The following KIRREL3 variants were observed in gnomAD, a reference collection of about 807,000 sequenced individuals.
KIRREL3 encodes the protein kirre like nephrin family adhesion molecule 3.
KIRREL3 carries 36 observed loss-of-function variants against 89.7 expected under a neutral mutation model. The ratio of observed to expected loss-of-function variants is 0.40; its 90% CI spans 0.31 to 0.53. The LOEUF is 0.53. Among genes scored for constraint, KIRREL3 ranks in the 20% least tolerant of loss-of-function variants. KIRREL3 has a pLI of 0.49. For missense variants in KIRREL3, 864 were observed against 1,056.6 expected, an observed-to-expected ratio of 0.82 and a Z score of 2.53; for synonymous variants, 445 against 441.4, an observed-to-expected ratio of 1.01 and a Z score of -0.10.
rs2134292991 is a variant in KIRREL3 at position 126,769,347 on chromosome 11, A to T, written c.56-206435T>A. ...GCTCTGTGGAAGCAAATCTTGAAGGATGGATAGAATTTTGGTGATAAAGAG... is the reference window on the plus strand; with the variant it reads ...GCTCTGTGGAAGCAAATCTTGAAGGTTGGATAGAATTTTGGTGATAAAGAG... On this transcript the variant is annotated intron_variant, in intron 1 of 16. Coordinates refer to ENST00000525144, the MANE Select transcript of KIRREL3 (RefSeq NM_032531.4). The surrounding 1 kb of genome is among the most constrained non-coding windows in gnomAD (Gnocchi z 4.3). Among the ~76,000 whole-genome samples, 1 of 152,262 alleles carries T rather than the reference A, an allele frequency of 6.6e-6. No individual in the cohort carries two copies. The highest frequency in any genetic ancestry group is 3.4e-3 in the Middle Eastern group (1 of 292).
intron 1 of KIRREL3, among the ~76,000 whole-genome samples, chr11:126,722,094 G>A (rs951316192): frequency 2.0e-5 from 3 of 152,198 alleles, no homozygotes; most frequent in Non-Finnish European, 4.4e-5. Flanking sequence ...TAACTCTACT[G>A]TATATACCTC....
chr11:126,431,119 CCTAT>C lies in KIRREL3; in HGVS notation c.1696+296_1696+299del. On this transcript the variant is annotated intron_variant, in intron 14 of 16. Coordinates refer to ENST00000525144, the MANE Select transcript of KIRREL3 (RefSeq NM_032531.4). This position sits in a 1 kb window ranked among gnomAD's most constrained non-coding sequence, Gnocchi z 7.1. ...GATCAAACCACAAACCGCTTTTCCC[CCTAT>C]CTTTCTGTACAGTTCCTGACTGAAA... The C allele has an allele frequency of 1.4e-6, 2 of 1,411,760 alleles. No individual in the cohort carries two copies. The highest frequency in any genetic ancestry group is 1.8e-6 in the Non-Finnish European group (2 of 1,086,560). The allele number at this position is 1,411,760 out of a possible 1,614,324, so 87.5% of individuals were successfully genotyped here.
intron 1 of KIRREL3, among the ~76,000 whole-genome samples, chr11:126,804,615 G>A (rs1565746236): frequency 6.6e-6 from 1 of 152,186 alleles, no homozygotes; most frequent in Non-Finnish European, 1.5e-5. Flanking sequence ...GTAAGTATAT[G>A]AGTAAATATC....
Position 126,423,457 on chromosome 11 carries a change from C to A in KIRREL3, c.*1123G>T, listed in dbSNP as rs1470760320. ...CATTCTATGAGCTCTTGGGTTCTTC[C>A]TGTGGCTTTGTAGGAACAAAAGAAC... On this transcript the variant is annotated 3_prime_UTR_variant, in exon 17 of 17. Transcript: ENST00000525144. The A allele has an allele frequency of 6.6e-6, 1 of 152,190 alleles. No homozygotes were observed. Among genetic ancestry groups the A allele is most frequent in the South Asian group, 2.1e-4 (1 of 4,836 alleles). 9.4% of individuals were successfully genotyped at this position (152,190 alleles called of 1,614,324 possible). A position where few individuals can be genotyped will look rare whatever the true frequency, so the allele number is the denominator to read the frequency against.
intron 1 of KIRREL3, among the ~76,000 whole-genome samples, chr11:126,941,958 A>C (rs896282593): frequency 1.1e-4 from 17 of 152,238 alleles, no homozygotes; most frequent in Admixed American, 8.5e-4. Context: ...CAATGTGACA[A>C]TGAGTATGCC....
At chr11:126,670,336 G>C (rs952893143) in intron 1 of KIRREL3, among the ~76,000 whole-genome samples, 1 of 152,158 alleles carries the variant, frequency 6.6e-6, no homozygotes, top group Non-Finnish European at 1.5e-5. Context: ...GAAAAACCTA[G>C]AGTTAACATC....
intron 6 of KIRREL3, among the ~76,000 whole-genome samples, chr11:126,460,710 C>T (rs931206328): frequency 2.6e-5 from 4 of 152,192 alleles, no homozygotes; most frequent in African/African-American, 7.2e-5. Context: ...GTTGAACGAT[C>T]TTCTGTGGGC....
rs543833684 is a variant in KIRREL3, at chr11:126,729,695, C to T, written c.56-166783G>A. Among the ~76,000 whole-genome samples, 35 of 151,076 alleles carry T rather than the reference C, an allele frequency of 2.3e-4. No individual in the cohort carries two copies. Among genetic ancestry groups the T allele is most frequent in the African/African-American group, 6.8e-4 (28 of 41,094 alleles). On this transcript the variant is annotated intron_variant, in intron 1 of 16. Transcript: ENST00000525144. This position sits in a 1 kb window ranked among gnomAD's most constrained non-coding sequence, Gnocchi z 4.5. The stretch of plus-strand genomic sequence containing the variant: ...CCCTCCGTAGATACTCATGGGGCCC[C>T]GGGCACTCCACTGGACAGGTGAAAA...
chr11:126,424,290 A>G lies in KIRREL3; in HGVS notation c.*290T>C, dbSNP rs891953504. 14 of 479,862 alleles carry G rather than the reference A, an allele frequency of 2.9e-5. No homozygotes were observed. The highest frequency in any genetic ancestry group is 5.3e-5 in the Non-Finnish European group (14 of 264,248). The allele number at this position is 479,862 out of a possible 1,614,324, so 29.7% of individuals were successfully genotyped here. On this transcript the variant is annotated 3_prime_UTR_variant, in exon 17 of 17. Coordinates refer to ENST00000525144, the MANE Select transcript of KIRREL3 (RefSeq NM_032531.4). ...TGTGCCTGTGGGCAGAGCAGGTGGT[A>G]GAGGGGCCTCCAGGAAAGGGCCGGG...
intron 1 of KIRREL3, among the ~76,000 whole-genome samples, chr11:126,799,244 ATGTG>A (rs1174372290): frequency 1.7e-4 from 12 of 71,866 alleles, no homozygotes; most frequent in African/African-American, 4.2e-4. Context: ...CTGTGTGTGG[ATGTG>A]TGTATCTGTG....
rs374832017 is a variant in KIRREL3 at position 126,424,743 on chromosome 11, G to A, written c.2174C>T (p.Thr725Met). 39 of 1,613,918 alleles carry A rather than the reference G, an allele frequency of 2.4e-5. No individual in the cohort carries two copies. Among genetic ancestry groups the A allele is most frequent in the African/African-American group, 1.6e-4 (12 of 74,936 alleles). ...SLSDSSSFLD[T>M]QCDSSVSSSG... The stretch of plus-strand genomic sequence containing the variant: ...GCTGCTGACGCTGCTGTCACACTGC[G>A]TGTCCAGGAAGGAGCTGCTGTCGCT... Residue 725 changes from threonine (T) to methionine (M), a missense_variant, in exon 17 of 17, where the codon ACG becomes ATG. Transcript: ENST00000525144.
At chr11:126,964,374 C>A (rs149764264) in intron 1 of KIRREL3, among the ~76,000 whole-genome samples, 14 of 152,244 alleles carry the variant, frequency 9.2e-5, no homozygotes, top group African/African-American at 3.4e-4. Flanking sequence ...ACCCCCTTCT[C>A]CCCCATAGAT....
intron 1 of KIRREL3, among the ~76,000 whole-genome samples, chr11:126,893,876 T>C (rs1946028270): frequency 6.6e-6 from 1 of 152,230 alleles, no homozygotes; most frequent in Admixed American, 6.5e-5. Flanking sequence ...AGATTGTAAG[T>C]TCTCAGGAGG....
chr11:126,923,129 C>CTTCTCTTCTTCTTCTTCTTCTTCTTCT (rs1555090094), intron 1 of KIRREL3, among the ~76,000 whole-genome samples: 1 of 25,732 alleles, frequency 3.9e-5, no homozygotes, highest in Non-Finnish European at 7.8e-5. Flanking sequence ...TCTCCTTCTT[C>CTTCTCTTCTTCTTCTTCTTCTTCTTCT]TCTTCTTCTT....
intron 4 of KIRREL3, among the ~76,000 whole-genome samples, chr11:126,502,333 G>C (rs1024609199): frequency 6.6e-6 from 1 of 152,178 alleles, no homozygotes; most frequent in Non-Finnish European, 1.5e-5. Context: ...ACCTGTCCTG[G>C]CTGTGCTGCC....
At chr11:126,439,838 C>G (rs187975806) in intron 11 of KIRREL3, among the ~76,000 whole-genome samples, 255 of 151,186 alleles carry the variant, frequency 1.7e-3, no homozygotes, top group Non-Finnish European at 3.2e-3. Flanking sequence ...CACAAACAAA[C>G]AAACCCAAAA....
At chr11:126,833,251 C>T (rs968772424) in intron 1 of KIRREL3, among the ~76,000 whole-genome samples, 6 of 152,228 alleles carry the variant, frequency 3.9e-5, no homozygotes, top group Non-Finnish European at 7.3e-5. Context: ...ATTTTATTTA[C>T]AGAGCTAATG....
At chr11:126,845,806 TA>T (rs1565346644) in intron 1 of KIRREL3, among the ~76,000 whole-genome samples, 2 of 152,108 alleles carry the variant, frequency 1.3e-5, no homozygotes, top group African/African-American at 4.8e-5. Flanking sequence ...TAAAGTTGGA[TA>T]AAAAAAGATT....
In KIRREL3 at chr11:126,729,691, G is replaced by T. The variant is rs575509816; in HGVS notation, c.56-166779C>A. On this transcript the variant is annotated intron_variant, in intron 1 of 16. Transcript: ENST00000525144. The surrounding 1 kb of genome is among the most constrained non-coding windows in gnomAD (Gnocchi z 4.5). ...GGGACCCTCCGTAGATACTCATGGG[G>T]CCCCGGGCACTCCACTGGACAGGTG... Among the ~76,000 whole-genome samples, 1 of 152,072 alleles carries T rather than the reference G, an allele frequency of 6.6e-6. No individual in the cohort carries two copies. The highest frequency in any genetic ancestry group is 2.1e-4 in the South Asian group (1 of 4,824).
Sources: allele counts gnomAD v4.1 joint callset (sites outside exome capture counted in the v4.1 genomes callset), GRCh38; gene constraint gnomAD v4.1.1; non-coding constraint Gnocchi (gnomAD v3.1); transcripts MANE v1.5; gene names NCBI Gene and HGNC (gene_info 2026-07-23, HGNC 2026-07-21).